The following ERC1 variants were observed in gnomAD, a reference collection of about 807,000 sequenced individuals.
ERC1 encodes the protein RAB6 interacting protein 2.
ERC1 carries 56 observed loss-of-function variants against 132.0 expected under a neutral mutation model. The observed-to-expected ratio is 0.42, with a 90% CI of 0.34 to 0.53. The LOEUF is 0.53. ERC1 is among the 20% of genes least tolerant of loss of function. ERC1 has a pLI of 0.03. For missense variants in ERC1, 1,202 were observed against 1,349.9 expected (o/e 0.89, Z 1.72); for synonymous variants, 478 against 476.1 (o/e 1.00, Z -0.05).
intron 17 of ERC1, among the ~76,000 whole-genome samples, chr12:1,411,068 T>C (rs2091818012): frequency 1.3e-5 from 2 of 152,290 alleles, no homozygotes; most frequent in African/African-American, 2.4e-5. Flanking sequence ...AGGAAAACTT[T>C]TTTTAGAAGT....
At chr12:1,320,902 C>T (rs891356160) in intron 15 of ERC1, among the ~76,000 whole-genome samples, 5 of 152,120 alleles carry the variant, frequency 3.3e-5, no homozygotes, top group Admixed American at 1.3e-4. Context: ...GGGGTTTCAC[C>T]GTGTTAGCCA....
At chr12:1,096,850 C>T (rs966774020) in intron 3 of ERC1, among the ~76,000 whole-genome samples, 1 of 152,202 alleles carries the variant, frequency 6.6e-6, no homozygotes, top group Non-Finnish European at 1.5e-5. Context: ...TGTACGTGAA[C>T]CAACCCAGCC....
At position 1,491,065 on chromosome 12, in the gene ERC1, T is replaced by C. The variant is rs11610729; in HGVS notation, c.*835T>C. The C allele has an allele frequency of 0.56, 130,430 of 232,536 alleles. 38,634 individuals are homozygous for C. Among genetic ancestry groups the C allele is most frequent in the Middle Eastern group, 0.64 (503 of 786 alleles). 14.4% of individuals were successfully genotyped at this position (232,536 alleles called of 1,614,324 possible). A position where few individuals can be genotyped will look rare whatever the true frequency, so the allele number is the denominator to read the frequency against. ...GAGCACCAGCCAGGGCAACATAGCG[T>C]GACCCTGTCTCTACAAAAAATTAAA... On this transcript the variant is annotated 3_prime_UTR_variant, in exon 19 of 19. Transcript: ENST00000360905.
rs2094344397 is a variant in ERC1 at position 1,494,500 on chromosome 12, C to T, written c.*4270C>T. The stretch of plus-strand genomic sequence containing the variant: ...AGGGAAATCCTTCTGAACAAAATGG[C>T]TATCTTCACCTACTCTTCAGCAAAA... On this transcript the variant is annotated 3_prime_UTR_variant, in exon 19 of 19. Coordinates refer to ENST00000360905, the MANE Select transcript of ERC1 (RefSeq NM_178040.4). 1 of 231,818 alleles carries T rather than the reference C, an allele frequency of 4.3e-6. No homozygotes were observed. 14.4% of individuals were successfully genotyped at this position (231,818 alleles called of 1,614,324 possible). A position where few individuals can be genotyped will look rare whatever the true frequency, so the allele number is the denominator to read the frequency against.
chr12:1,395,417 T>C (rs1281280907), intron 16 of ERC1, among the ~76,000 whole-genome samples: 1 of 152,082 alleles, frequency 6.6e-6, no homozygotes, highest in East Asian at 1.9e-4. Flanking sequence ...GTTTTTTTTT[T>C]TTTTTCAGTT....
chr12:1,136,646 G>C lies in ERC1; in HGVS notation c.1570-4974G>C, dbSNP rs144539925. ...CATTTGCAAGTAGGATAAAATTTAAGCCTCTTATTTTAGCAGGCAAGGATT... is the reference window on the plus strand; with the variant it reads ...CATTTGCAAGTAGGATAAAATTTAACCCTCTTATTTTAGCAGGCAAGGATT... On this transcript the variant is annotated intron_variant, in intron 7 of 18. Coordinates refer to ENST00000360905, the MANE Select transcript of ERC1 (RefSeq NM_178040.4). 7.6e-3 allele frequency among the ~76,000 whole-genome samples: 1,149 copies of C among 152,164 alleles called. 12 individuals are homozygous for C. Among genetic ancestry groups the C allele is most frequent in the African/African-American group, 0.026 (1,087 of 41,524 alleles).
chr12:993,216 T>G (rs1377546145), intron 1 of ERC1, among the ~76,000 whole-genome samples: 1 of 152,230 alleles, frequency 6.6e-6, no homozygotes, highest in Non-Finnish European at 1.5e-5. Context: ...TTGGATTAGT[T>G]AGAAGGAAAA....
At chr12:1,293,203 C>G (rs1489320272) in intron 15 of ERC1, among the ~76,000 whole-genome samples, 1 of 150,250 alleles carries the variant, frequency 6.7e-6, no homozygotes, top group Non-Finnish European at 1.5e-5. Context: ...GCCTATAATC[C>G]CAGCACTTTG....
intron 8 of ERC1, among the ~76,000 whole-genome samples, chr12:1,154,084 C>G (rs537398201): frequency 6.6e-6 from 1 of 152,046 alleles, no homozygotes; most frequent in South Asian, 2.1e-4. Context: ...TGAGAACATG[C>G]AGTATTTGGT....
intron 13 of ERC1, among the ~76,000 whole-genome samples, chr12:1,262,275 T>G (rs1297094164): frequency 6.6e-6 from 1 of 152,240 alleles, no homozygotes; most frequent in Non-Finnish European, 1.5e-5. Context: ...GTTGTCTTCT[T>G]AAGATCTCTC....
At chr12:1,161,184 T>G (rs1951854420) in intron 8 of ERC1, among the ~76,000 whole-genome samples, 1 of 152,074 alleles carries the variant, frequency 6.6e-6, no homozygotes, top group South Asian at 2.1e-4. Context: ...CCCAGAATTA[T>G]GGGAGGTTAG....
chr12:1,476,248 T>TC (rs1441571807), intron 18 of ERC1, among the ~76,000 whole-genome samples: 1 of 140,804 alleles, frequency 7.1e-6, no homozygotes, highest in Non-Finnish European at 1.5e-5. Flanking sequence ...GGAGCAAGAC[T>TC]CCATCTCAAA....
At chr12:1,280,297 A>G (rs1319454550) in intron 14 of ERC1, among the ~76,000 whole-genome samples, 4 of 152,162 alleles carry the variant, frequency 2.6e-5, no homozygotes, top group Non-Finnish European at 4.4e-5. Context: ...GGATGTTTCA[A>G]TGAAAGATAT....
chr12:1,129,670 G>A (rs1948566228), intron 7 of ERC1, among the ~76,000 whole-genome samples: 1 of 152,126 alleles, frequency 6.6e-6, no homozygotes, highest in Non-Finnish European at 1.5e-5. Context: ...AAAAACATTG[G>A]CAACTCAGAA....
chr12:1,027,983 C>A lies in ERC1; in HGVS notation c.80C>A (p.Ser27Tyr), dbSNP rs1369210824. 5 of 1,614,144 alleles carry A rather than the reference C, an allele frequency of 3.1e-6. No individual in the cohort carries two copies. Among genetic ancestry groups the A allele is most frequent in the Non-Finnish European group, 8.5e-7 (1 of 1,180,028 alleles). ...SPGRSPRLPR[S>Y]PRLGHRRTNS... The stretch of plus-strand genomic sequence containing the variant: ...GGGCGTTCACCCAGGCTTCCACGTT[C>A]CCCTCGCTTGGGTCACCGTCGAACC... Residue 27 changes from serine to tyrosine, a missense_variant, in exon 2 of 19, where the codon TCC (serine) becomes TAC (tyrosine). By Grantham distance (144) the Ser-to-Tyr change is moderately radical. Transcript: ENST00000360905.
chr12:1,372,728 C>T lies in ERC1; in HGVS notation c.2925+751C>T, dbSNP rs568639769. The stretch of plus-strand genomic sequence containing the variant: ...GGCGCAGCATCCGCGTCCCAGCCTC[C>T]GTGGCTGTCTCCTGCATTCCCAGTC... On this transcript the variant is annotated intron_variant, in intron 16 of 18. Coordinates refer to ENST00000360905, the MANE Select transcript of ERC1 (RefSeq NM_178040.4). 9.8e-5 allele frequency among the ~76,000 whole-genome samples: 15 copies of T among 152,322 alleles called. No homozygotes were observed. The East Asian group carries it at 1.9e-3, about 20-fold the overall frequency.
chr12:1,163,378 C>T (rs1952057129), intron 8 of ERC1, among the ~76,000 whole-genome samples: 1 of 152,122 alleles, frequency 6.6e-6, no homozygotes, highest in African/African-American at 2.4e-5. Context: ...CAAAATACCC[C>T]CTCATCCCTA....
chr12:1,481,016 A>G, intron 18 of ERC1: 4 of 635,462 alleles, frequency 6.3e-6, no homozygotes, highest in South Asian at 5.3e-5. Context: ...GTTTTCTTCT[A>G]TACATATATA....
intron 1 of ERC1, among the ~76,000 whole-genome samples, chr12:1,001,628 A>G (rs530553498): frequency 1.3e-5 from 2 of 152,078 alleles, no homozygotes; most frequent in Non-Finnish European, 2.9e-5. Context: ...ATTGTTTTGC[A>G]TCTTTATATG....
Sources: gnomAD v4.1 joint callset for allele counts (sites outside exome capture counted in the v4.1 genomes callset) on GRCh38, gnomAD v4.1.1 for gene constraint, MANE v1.5 for transcripts, NCBI Gene and HGNC (gene_info 2026-07-23, HGNC 2026-07-21) for gene names.